Variants in RNF149 observed in about 807,000 individuals in gnomAD.
RNF149 encodes ring finger protein 149, also known as E3 ubiquitin-protein ligase RNF149.
In RNF149, 21 loss-of-function variants were observed where a neutral mutation model predicts 39.0. That is an observed-to-expected ratio of 0.54 (90% CI 0.38 to 0.77). RNF149 has a LOEUF of 0.77. RNF149 is among the 30% of genes least tolerant of loss of function. The pLI, the probability that RNF149 is intolerant of heterozygous loss-of-function variation, is 0.00. For missense variants in RNF149, 493 were observed against 534.9 expected, an observed-to-expected ratio of 0.92 and a Z score of 0.77; for synonymous variants, 209 against 213.6, an observed-to-expected ratio of 0.98 and a Z score of 0.19.
chr2:101,275,869 A>T lies in RNF149; in HGVS notation c.*1369T>A. On this transcript the variant is annotated 3_prime_UTR_variant, in exon 7 of 7. Coordinates refer to ENST00000295317, the MANE Select transcript of RNF149 (RefSeq NM_173647.4). Reference sequence around the variant, plus strand: ...AATGGCTGTTATGGAAACCTACTTGAGGTTGTCTGCTAAAACCAACTCAGT... The same window carrying T: ...AATGGCTGTTATGGAAACCTACTTGTGGTTGTCTGCTAAAACCAACTCAGT... The T allele has an allele frequency of 4.1e-6, 4 of 985,012 alleles. No individual in the cohort carries two copies. The highest frequency in any genetic ancestry group is 4.8e-6 in the Non-Finnish European group (4 of 829,570). The allele number at this position is 985,012 out of a possible 1,614,324, so 61.0% of individuals were successfully genotyped here.
At chr2:101,278,319 T>C (rs1249851723) in intron 6 of RNF149, among the ~76,000 whole-genome samples, 2 of 152,044 alleles carry the variant, frequency 1.3e-5, no homozygotes, top group African/African-American at 4.8e-5. Flanking sequence ...CACGCCCCGC[T>C]AATTTTAAGT....
chr2:101,272,917 T>C (rs757691853), downstream of RNF149: 39 of 1,346,744 alleles, frequency 2.9e-5, no homozygotes, highest in Admixed American at 5.7e-5. Flanking sequence ...TCCCATGGCA[T>C]GAAGCTTCCA....
chr2:101,286,462 T>C (rs900117749), intron 4 of RNF149: 16 of 239,538 alleles, frequency 6.7e-5, no homozygotes, highest in African/African-American at 3.6e-4. Context: ...TGAAAGCTTT[T>C]TGGGAAAAAA....
rs116634133 is a variant in RNF149, at chr2:101,305,098, T to C, written c.460+3031A>G. ...TCATGATCCACCAGCATCGGCCTCC[T>C]GATGTGCTGGGGATTACAGGCATGA... On this transcript the variant is annotated intron_variant, in intron 1 of 6. Transcript: ENST00000295317. Among the ~76,000 whole-genome samples the C allele has an allele frequency of 6.3e-3, 954 of 152,220 alleles. 3 individuals carry two copies. The highest frequency in any genetic ancestry group is 0.022 in the African/African-American group (911 of 41,532).
Position 101,286,155 on chromosome 2 carries a change from T to C in RNF149, c.886A>G (p.Ile296Val). The change falls in exon 5 of 7, where the codon ATT becomes GTT. Residue 296 changes from isoleucine (I) to valine (V), a missense_variant. Physicochemically the swap from Ile to Val is conservative, Grantham distance 29. Coordinates refer to ENST00000295317, the MANE Select transcript of RNF149 (RefSeq NM_173647.4). ...CGGTGATCCAAAAGCCATGGGTCAA[T>C]GCATATTCTATGAAAAATATGCCTA... ...PCKHIFHRIC[I>V]DPWLLDHRTC... 6.2e-7 allele frequency: 1 copy of C among 1,605,884 alleles called. No individual in the cohort carries two copies. The highest frequency in any genetic ancestry group is 1.1e-5 in the South Asian group (1 of 90,708).
In RNF149 at chr2:101,294,930, C is replaced by A; in HGVS notation, c.711+1G>T. The A allele has an allele frequency of 6.2e-7, 1 of 1,607,880 alleles. No individual in the cohort carries two copies. The highest frequency in any genetic ancestry group is 1.1e-5 in the South Asian group (1 of 90,604). ...CAAAATTCAGAGTTATCCATCATTA[C>A]CTGACTTCCAATCTGAGAGCCAGTA... On this transcript the variant is annotated splice_donor_variant, in intron 2 of 6. Coordinates refer to ENST00000295317, the MANE Select transcript of RNF149 (RefSeq NM_173647.4). LOFTEE classifies it high-confidence loss of function.
At chr2:101,303,412 C>A (rs542419576) in intron 1 of RNF149, among the ~76,000 whole-genome samples, 1 of 152,134 alleles carries the variant, frequency 6.6e-6, no homozygotes, top group Non-Finnish European at 1.5e-5. Context: ...CAGGTGTGAG[C>A]TACTGCGCCC....
chr2:101,284,198 TCA>T (rs1299293546), intron 5 of RNF149, among the ~76,000 whole-genome samples: 1 of 152,240 alleles, frequency 6.6e-6, no homozygotes, highest in Non-Finnish European at 1.5e-5. Context: ...CAAAACAGTC[TCA>T]GTTTCTAGTC....
chr2:101,307,488 T>C (rs560476807), intron 1 of RNF149, among the ~76,000 whole-genome samples: 1 of 152,328 alleles, frequency 6.6e-6, no homozygotes, highest in South Asian at 2.1e-4. Flanking sequence ...CCCAAGGTCT[T>C]TTCTTGAATG....
At chr2:101,271,838 A>G (rs1682140723), downstream of RNF149, 2 of 152,236 alleles carry the variant, frequency 1.3e-5, no homozygotes, top group Non-Finnish European at 2.9e-5. Flanking sequence ...TGTAACTATT[A>G]GAAATAATTA....
In RNF149 at chr2:101,280,402, C is replaced by T. The variant is rs138417798; in HGVS notation, c.1159+1457G>A. 9.9e-5 allele frequency among the ~76,000 whole-genome samples: 15 copies of T among 152,164 alleles called. No homozygotes were observed. In the East Asian group the frequency reaches 2.9e-3, roughly 29 times the overall value. The stretch of plus-strand genomic sequence containing the variant: ...CAGATTAGTTAAATCTCCCCTCACA[C>T]CTTAAACTATATGTGTTTAAGATGT... On this transcript the variant is annotated intron_variant, in intron 6 of 6. Transcript: ENST00000295317.
chr2:101,272,493 A>G (rs184962531), downstream of RNF149, among the ~76,000 whole-genome samples: 367 of 152,302 alleles, frequency 2.4e-3, 4 homozygotes, highest in Non-Finnish European at 1.6e-3. Context: ...AAACTTTTAA[A>G]ACTTAAGTAC....
Position 101,308,281 on chromosome 2 carries a change from C to A in RNF149, c.308G>T (p.Gly103Val). Reference sequence around the variant, plus strand: ...GGCGACCCAGGGCGCGGCCCCTCGGCCGCCGGGCTCGGGCACGAAGAAGCG... The same window carrying A: ...GGCGACCCAGGGCGCGGCCCCTCGGACGCCGGGCTCGGGCACGAAGAAGCG... ...DTRFFVPEPG[G>V]RGAAPWVALV... Residue 103 changes from glycine to valine, a missense_variant, in exon 1 of 7, where the codon GGC becomes GTC. Physicochemically the swap from Gly to Val is moderately radical, Grantham distance 109. Transcript: ENST00000295317. 1 of 1,576,258 alleles carries A rather than the reference C, an allele frequency of 6.3e-7. No homozygotes were observed. The highest frequency in any genetic ancestry group is 8.6e-7 in the Non-Finnish European group (1 of 1,163,526).
In RNF149 at chr2:101,308,372, C is replaced by A. The variant is rs779326442; in HGVS notation, c.217G>T (p.Ala73Ser). Residue 73 changes from alanine (A) to serine (S), a missense_variant, in exon 1 of 7, where the codon GCG becomes TCG. Coordinates refer to ENST00000295317, the MANE Select transcript of RNF149 (RefSeq NM_173647.4). ...CACGGGACGCCCACCAGGCCATGCG[C>A]GCCCTCCTTGGGCGAGCTGTCGCCG... The part of the protein sequence containing the change: ...RFGDSSPKEG[A>S]HGLVGVPWAP... The A allele has an allele frequency of 3.7e-6, 6 of 1,607,426 alleles. No individual in the cohort carries two copies. The highest frequency in any genetic ancestry group is 3.3e-5 in the Admixed American group (2 of 59,782).
At chr2:101,271,916 C>T (rs566847034), downstream of RNF149, among the ~76,000 whole-genome samples, 1 of 152,174 alleles carries the variant, frequency 6.6e-6, no homozygotes, top group Non-Finnish European at 1.5e-5. Flanking sequence ...TATACATTTA[C>T]ACCTAATTTT....
chr2:101,284,217 T>C (rs1189932506), intron 5 of RNF149, among the ~76,000 whole-genome samples: 1 of 152,234 alleles, frequency 6.6e-6, no homozygotes, highest in African/African-American at 2.4e-5. Context: ...AGTCAGACAG[T>C]TCTTGAACAC....
rs758196292 is a variant in RNF149, at chr2:101,294,945, G to C, written c.697C>G (p.Gln233Glu). ...TCCATCATTACCTGACTTCCAATCT[G>C]AGAGCCAGTATATAGGAAACGCTGT... ...YIQRFLYTGS[Q>E]IGSQSHRKET... Residue 233 changes from glutamine to glutamate, a missense_variant, in exon 2 of 7, where the codon CAG becomes GAG. By Grantham distance (29) the Gln-to-Glu change is conservative. Transcript: ENST00000295317. 18 of 1,611,262 alleles carry C rather than the reference G, an allele frequency of 1.1e-5. No individual in the cohort carries two copies. In the African/African-American group the frequency reaches 2.0e-4, roughly 18 times the overall value.
downstream of RNF149, among the ~76,000 whole-genome samples, chr2:101,275,108 T>G (rs1488768016): frequency 8.2e-6 from 1 of 122,120 alleles, no homozygotes; most frequent in African/African-American, 3.1e-5. Context: ...CCCTAGTATT[T>G]CTGTTTTTTT....
In RNF149 at chr2:101,286,119, T is replaced by C. The variant is rs200499158; in HGVS notation, c.922A>G (p.Met308Val). The C allele has an allele frequency of 1.4e-5, 23 of 1,612,740 alleles. No individual in the cohort carries two copies. Among genetic ancestry groups the C allele is most frequent in the Middle Eastern group, 1.7e-4 (1 of 6,056 alleles). ...GCTTTGATGACATCAAGTTTACACA[T>C]TGGACATGTTCGGTGATCCAAAAGC... ...PWLLDHRTCP[M>V]CKLDVIKALG... The change falls in exon 5 of 7, where the codon ATG becomes GTG. Residue 308 changes from methionine (M) to valine (V), a missense_variant. Met to Val is a conservative substitution (Grantham distance 21, BLOSUM62 1). Transcript: ENST00000295317.
Sources: gnomAD v4.1 joint callset for allele counts (sites outside exome capture counted in the v4.1 genomes callset) on GRCh38, gnomAD v4.1.1 for gene constraint, MANE v1.5 for transcripts, NCBI Gene and HGNC (gene_info 2026-07-23, HGNC 2026-07-21) for gene names.